The following DDX60 variants were observed in gnomAD, a reference collection of about 807,000 sequenced individuals.
The protein encoded by DDX60 is probable ATP-dependent RNA helicase DDX60.
DDX60 carries 165 observed loss-of-function variants against 212.8 expected under a neutral mutation model. The ratio of observed to expected loss-of-function variants is 0.78; its 90% confidence interval spans 0.68 to 0.88. The LOEUF (loss-of-function observed/expected upper bound fraction) is 0.88. Ranked by LOEUF, DDX60 falls within the 40% of genes least tolerant of loss-of-function variation. The pLI, the probability that DDX60 is intolerant of heterozygous loss-of-function variation, is 0.00. For missense variants in DDX60, 1,905 were observed against 2,003.9 expected (o/e 0.95, Z 0.94); for synonymous variants, 703 against 685.3 (o/e 1.03, Z -0.40).
chr4:168,323,767 C>G (rs998313346), upstream of DDX60, among the ~76,000 whole-genome samples: 1 of 152,088 alleles, frequency 6.6e-6, no homozygotes, highest in Non-Finnish European at 1.5e-5. Flanking sequence ...GGCCATGGCC[C>G]GAGAATGGCC....
At chr4:168,243,945 T>G (rs1173221391) in intron 30 of DDX60, among the ~76,000 whole-genome samples, 1 of 152,114 alleles carries the variant, frequency 6.6e-6, no homozygotes, top group Non-Finnish European at 1.5e-5. Flanking sequence ...TGAGATCATG[T>G]GCTTTGTTGG....
At chr4:168,232,966 G>T (rs1403311087) in intron 33 of DDX60, among the ~76,000 whole-genome samples, 1 of 151,732 alleles carries the variant, frequency 6.6e-6, no homozygotes. Flanking sequence ...ATCCAACAAA[G>T]GACTCAATAT....
chr4:168,216,904 T>C lies in DDX60; in HGVS notation c.*29A>G, dbSNP rs1732864151. 3.5e-6 allele frequency: 5 copies of C among 1,411,908 alleles called. No homozygotes were observed. In the East Asian group the frequency reaches 1.2e-4, roughly 35 times the overall value. 87.5% of individuals were successfully genotyped at this position (1,411,908 alleles called of 1,614,324 possible). On this transcript the variant is annotated 3_prime_UTR_variant, in exon 38 of 38. Coordinates refer to ENST00000393743, the MANE Select transcript of DDX60 (RefSeq NM_017631.6). ...GACCTGAAAAACTACTATGGAATTA[T>C]TTTTAAGTGGTTTGCATAGACTTTG... is the stretch of plus-strand genomic sequence containing the variant.
At position 168,308,172 on chromosome 4, in the gene DDX60, A is replaced by G; in HGVS notation, c.98T>C (p.Phe33Ser). ...KAEYSSLFND[F>S]VESEFFLIDG... Reference sequence around the variant, plus strand: ...AATCAAAAAAAATTCAGATTCAACAAAATCATTGAATAAACTGGAATATCT... The same window carrying G: ...AATCAAAAAAAATTCAGATTCAACAGAATCATTGAATAAACTGGAATATCT... The change falls in exon 4 of 38, where the codon TTT becomes TCT. Residue 33 changes from phenylalanine (F) to serine (S), a missense_variant. Transcript: ENST00000393743. 6.4e-7 allele frequency: 1 copy of G among 1,571,400 alleles called. No homozygotes were observed. The highest frequency in any genetic ancestry group is 2.3e-5 in the East Asian group (1 of 44,184).
At chr4:168,230,978 A>G (rs1312026188) in intron 33 of DDX60, among the ~76,000 whole-genome samples, 2 of 152,056 alleles carry the variant, frequency 1.3e-5, no homozygotes, top group East Asian at 3.9e-4. Context: ...AAGAAGAGAG[A>G]TCCAAATAAG....
rs370126786 is a variant in DDX60, at chr4:168,280,328, T to C, written c.1978+7A>G. 4 of 1,602,942 alleles carry C rather than the reference T, an allele frequency of 2.5e-6. No homozygotes were observed. The highest frequency in any genetic ancestry group is 1.3e-5 in the African/African-American group (1 of 74,184). ...ACTCACCGAAATAACAAAACAGAAT[T>C]ACATACCTTCTTCACTTCGGCAATG... On this transcript the variant is annotated splice_region_variant and intron_variant, in intron 14 of 37. Coordinates refer to ENST00000393743, the MANE Select transcript of DDX60 (RefSeq NM_017631.6).
At chr4:168,285,580 T>C in intron 10 of DDX60, 82 bp from the exon 11 acceptor site, 1 of 818,800 alleles carries the variant, frequency 1.2e-6, no homozygotes. Flanking sequence ...TTTCTAAAAC[T>C]TCATATTAAA....
intron 30 of DDX60, among the ~76,000 whole-genome samples, chr4:168,242,953 C>A (rs768818905): frequency 6.6e-6 from 1 of 152,060 alleles, no homozygotes; most frequent in Non-Finnish European, 1.5e-5. Context: ...AACATGGGGG[C>A]GGGTCTTTCC....
At position 168,293,873 on chromosome 4, in the gene DDX60, T is replaced by C. The variant is rs1397138550; in HGVS notation, c.796A>G (p.Thr266Ala). 8.1e-6 allele frequency: 13 copies of C among 1,613,852 alleles called. No individual in the cohort carries two copies. In the South Asian group the frequency reaches 1.4e-4, roughly 18 times the overall value. The change falls in exon 7 of 38, where the codon ACT becomes GCT. Residue 266 changes from threonine (T) to alanine (A), a missense_variant. By Grantham distance (58) the Thr-to-Ala change is moderately conservative. Transcript: ENST00000393743. The stretch of plus-strand genomic sequence containing the variant: ...ATTCTCAAAGATAATGAGCATGAAG[T>C]AACACAAAAGACACGCCGAATGTCA... ...GSDIRRVFCV[T>A]SCSLSLRMYH...
intron 22 of DDX60, among the ~76,000 whole-genome samples, chr4:168,264,739 A>T (rs1734768293): frequency 6.6e-6 from 1 of 152,184 alleles, no homozygotes; most frequent in Non-Finnish European, 1.5e-5. Flanking sequence ...ATGATTGACT[A>T]ATTATCCCTT....
chr4:168,219,387 T>C (rs148362323), intron 37 of DDX60, among the ~76,000 whole-genome samples: 179 of 152,242 alleles, frequency 1.2e-3, no homozygotes, highest in African/African-American at 3.8e-3. Flanking sequence ...GATGAATGTG[T>C]GAATGATTGA....
chr4:168,267,684 A>T lies in DDX60; in HGVS notation c.2937T>A (p.Tyr979Ter). Residue 979 changes from tyrosine (Y) to a stop codon, truncating the protein, a stop_gained, in exon 22 of 38, where the codon TAT becomes TAA. Coordinates refer to ENST00000393743, the MANE Select transcript of DDX60 (RefSeq NM_017631.6). LOFTEE classifies it high-confidence loss of function. ...KQSYKVRLVL[Y>*]GERYNDLEKH... ...TCTCTAGATCATTATACCTCTCTCC[A>T]TAGAGCACTAAAAATGAAGAACAAG... is the stretch of plus-strand genomic sequence containing the variant. The T allele has an allele frequency of 6.3e-7, 1 of 1,583,558 alleles. No homozygotes were observed.
intron 19 of DDX60, 31 bp from the exon 20 acceptor site, chr4:168,269,000 G>A (rs1330129609): frequency 8.2e-7 from 1 of 1,226,192 alleles, no homozygotes; most frequent in Non-Finnish European, 1.1e-6. Context: ...AATCTCAACT[G>A]AAAAGTTGAT....
intron 16 of DDX60, 22 bp from the exon 17 acceptor site, chr4:168,274,105 T>C (rs747506849): frequency 9.3e-6 from 15 of 1,613,012 alleles, no homozygotes; most frequent in Non-Finnish European, 1.2e-5. Flanking sequence ...AGAGTACCAT[T>C]CATGTCAAGA....
At position 168,268,808 on chromosome 4, in the gene DDX60, T is replaced by C. The variant is rs200822857; in HGVS notation, c.2786+46A>G. The C allele has an allele frequency of 6.4e-6, 7 of 1,088,326 alleles. No individual in the cohort carries two copies. The South Asian group carries it at 8.7e-5, about 14-fold the overall frequency. 67.4% of individuals were successfully genotyped at this position (1,088,326 alleles called of 1,614,324 possible). A position where few individuals can be genotyped will look rare whatever the true frequency, so the allele number is the denominator to read the frequency against. On this transcript the variant is annotated intron_variant, in intron 20 of 37. Transcript: ENST00000393743. ...ACAGAGAAATTATGAAATTCAAATATTCAAAATAGATAAACACTCTGTCCA... is the reference window on the plus strand; with the variant it reads ...ACAGAGAAATTATGAAATTCAAATACTCAAAATAGATAAACACTCTGTCCA...
At chr4:168,314,964 A>C (rs1216408983) in intron 1 of DDX60, among the ~76,000 whole-genome samples, 1 of 152,212 alleles carries the variant, frequency 6.6e-6, no homozygotes, top group African/African-American at 2.4e-5. Context: ...AAGAATAAAG[A>C]GAAAGACAGA....
chr4:168,302,714 T>A (rs934786393), intron 5 of DDX60, among the ~76,000 whole-genome samples: 11 of 152,172 alleles, frequency 7.2e-5, no homozygotes, highest in Non-Finnish European at 1.3e-4. Flanking sequence ...AGTAAATTTA[T>A]CAACTTTGGA....
At chr4:168,293,451 T>G (rs1481443593) in intron 7 of DDX60, among the ~76,000 whole-genome samples, 1 of 152,156 alleles carries the variant, frequency 6.6e-6, no homozygotes, top group African/African-American at 2.4e-5. Context: ...ACAATGCTGT[T>G]GTGAGGATTT....
chr4:168,297,479 G>A (rs1736455681), intron 6 of DDX60, among the ~76,000 whole-genome samples: 1 of 151,954 alleles, frequency 6.6e-6, no homozygotes, highest in Non-Finnish European at 1.5e-5. Flanking sequence ...TAAGTTACAA[G>A]ATGCCCAAAG....
Sources: allele counts gnomAD v4.1 joint callset (sites outside exome capture counted in the v4.1 genomes callset), GRCh38; gene constraint gnomAD v4.1.1; transcripts MANE v1.5; gene names NCBI Gene and HGNC (gene_info 2026-07-23, HGNC 2026-07-21).